The following ITSN1 variants were observed in gnomAD, a reference collection of about 807,000 sequenced individuals.
ITSN1 encodes intersectin 1.
In ITSN1, 58 loss-of-function variants were observed where a neutral mutation model predicts 239.8. The observed-to-expected ratio is 0.24, with a 90% CI of 0.20 to 0.30. ITSN1 has a LOEUF of 0.30. ITSN1 is among the 10% of genes least tolerant of loss of function. The probability of loss-of-function intolerance (pLI) is 1.00; values close to 1 mark genes in which losing one functional copy is unlikely to be tolerated. For synonymous variants in ITSN1, 780 were observed against 770.8 expected, an observed-to-expected ratio of 1.01 and a Z score of -0.20; for missense variants, 1,558 against 2,103.3, an observed-to-expected ratio of 0.74 and a Z score of 5.07.
intron 29 of ITSN1, chr21:33,837,753 C>T: frequency 1.0e-6 from 1 of 985,854 alleles, no homozygotes; most frequent in Non-Finnish European, 1.2e-6. Context: ...GCACAGTGAC[C>T]TTGTAGCCAC....
chr21:33,697,866 G>T (rs569111365), intron 1 of ITSN1, among the ~76,000 whole-genome samples: 1 of 152,078 alleles, frequency 6.6e-6, no homozygotes, highest in Non-Finnish European at 1.5e-5. Flanking sequence ...CATCTGTAGG[G>T]CTCTACAATC....
intron 25 of ITSN1, among the ~76,000 whole-genome samples, chr21:33,824,136 C>G (rs2073846545): frequency 6.6e-6 from 1 of 152,098 alleles, no homozygotes; most frequent in African/African-American, 2.4e-5. Flanking sequence ...GACACAAGAT[C>G]TAAGGGATGG....
chr21:33,751,316 G>A (rs893895796), intron 6 of ITSN1, among the ~76,000 whole-genome samples: 7 of 152,168 alleles, frequency 4.6e-5, no homozygotes, highest in East Asian at 3.8e-4. Flanking sequence ...TGGCTAAGAC[G>A]CAGTGTTTTT....
At chr21:33,717,694 T>C (rs1283004762) in intron 1 of ITSN1, among the ~76,000 whole-genome samples, 1 of 151,890 alleles carries the variant, frequency 6.6e-6, no homozygotes, top group African/African-American at 2.4e-5. Context: ...TAGCTGGGAC[T>C]ACAGGCGCCC....
At chr21:33,691,801 T>C (rs1022866408) in intron 1 of ITSN1, among the ~76,000 whole-genome samples, 1 of 152,236 alleles carries the variant, frequency 6.6e-6, no homozygotes, top group South Asian at 2.1e-4. Context: ...CTCTGATGTC[T>C]GTTCTTATAA....
chr21:33,667,543 G>T (rs911498736), intron 1 of ITSN1, among the ~76,000 whole-genome samples: 1 of 152,050 alleles, frequency 6.6e-6, no homozygotes, highest in Non-Finnish European at 1.5e-5. Context: ...TACTTTTTGG[G>T]ATGCGGTAGG....
At chr21:33,842,892 C>T (rs536050009) in intron 29 of ITSN1, among the ~76,000 whole-genome samples, 18 of 152,144 alleles carry the variant, frequency 1.2e-4, no homozygotes, top group South Asian at 8.3e-4. Context: ...GGATGAAACC[C>T]CTGACGCCCC....
Position 33,877,822 on chromosome 21 carries a change from ATT to A in ITSN1, c.4341+2304_4341+2305del, listed in dbSNP as rs1321726722. 1.8e-3 allele frequency among the ~76,000 whole-genome samples: 241 copies of A among 132,490 alleles called. 2 individuals carry two copies. Among genetic ancestry groups the A allele is most frequent in the Admixed American group, 0.017 (233 of 13,450 alleles). 86.9% of individuals were successfully genotyped at this position (132,490 alleles called of 152,430 possible). The stretch of plus-strand genomic sequence containing the variant: ...TCTGCAAATTTCTTACTTTGTTTCT[ATT>A]TTGTGTGTGTGTGTGTGTGTGTGTG... On this transcript the variant is annotated intron_variant, in intron 34 of 39. Transcript: ENST00000381318.
chr21:33,727,316 A>ATC (rs2065886091), intron 4 of ITSN1, among the ~76,000 whole-genome samples: 1 of 152,084 alleles, frequency 6.6e-6, no homozygotes, highest in South Asian at 2.1e-4. Flanking sequence ...TACAGGAAGG[A>ATC]AGAAGAGACG....
rs182263787 is a variant in ITSN1, at chr21:33,714,683, T to C, written c.-32-4114T>C. ...TATTTTAATGCCTTCAGTATCATAG[T>C]TGAGTATTAAGCTAATGCTAACTTC... On this transcript the variant is annotated intron_variant, in intron 1 of 39. Transcript: ENST00000381318. Among the ~76,000 whole-genome samples the C allele has an allele frequency of 3.0e-4, 46 of 152,286 alleles. No homozygotes were observed. The East Asian group carries it at 3.5e-3, about 11-fold the overall frequency.
At chr21:33,781,897 A>G (rs2070218747) in intron 15 of ITSN1, 97 bp from the exon 16 acceptor site, 2 of 1,226,564 alleles carry the variant, frequency 1.6e-6, no homozygotes, top group African/African-American at 3.1e-5. Context: ...TTTTTTAACC[A>G]GCAAGAATTT....
chr21:33,760,215 A>G (rs1327706710), intron 8 of ITSN1, among the ~76,000 whole-genome samples: 4 of 152,334 alleles, frequency 2.6e-5, no homozygotes, highest in African/African-American at 9.6e-5. Flanking sequence ...CTACAACTCT[A>G]CACGACAATA....
intron 1 of ITSN1, among the ~76,000 whole-genome samples, chr21:33,660,379 T>C (rs950373855): frequency 4.6e-5 from 7 of 152,230 alleles, no homozygotes; most frequent in Non-Finnish European, 8.8e-5. Flanking sequence ...TTTTGTCTTA[T>C]CATTGTCTGC....
chr21:33,839,186 TC>T (rs1362030226), intron 29 of ITSN1, among the ~76,000 whole-genome samples: 1 of 152,174 alleles, frequency 6.6e-6, no homozygotes, highest in Non-Finnish European at 1.5e-5. Context: ...GTCCCTGTCT[TC>T]ATGGAGTTCA....
chr21:33,822,526 C>T (rs1030922337), intron 24 of ITSN1, among the ~76,000 whole-genome samples: 2 of 152,070 alleles, frequency 1.3e-5, no homozygotes, highest in African/African-American at 4.8e-5. Context: ...TATCCTGTAC[C>T]TAGAACCTCC....
chr21:33,760,223 A>G (rs553137233), intron 8 of ITSN1, among the ~76,000 whole-genome samples: 15 of 152,214 alleles, frequency 9.9e-5, no homozygotes, highest in Non-Finnish European at 1.6e-4. Flanking sequence ...CTACACGACA[A>G]TATATTGAGC....
intron 29 of ITSN1, among the ~76,000 whole-genome samples, chr21:33,839,914 A>T (rs969779662): frequency 6.6e-5 from 10 of 152,162 alleles, no homozygotes; most frequent in Non-Finnish European, 4.4e-5. Flanking sequence ...TGCAGTGCAC[A>T]GGACAGTCCC....
At position 33,776,095 on chromosome 21, in the gene ITSN1, C is replaced by G. The variant is rs972490485; in HGVS notation, c.1596+987C>G. On this transcript the variant is annotated intron_variant, in intron 14 of 39. Transcript: ENST00000381318. ...AGTAGTGTTTCCTTATGTGTCCATT[C>G]ACCTACTGGTTGATATTCAGGTTCT... Among the ~76,000 whole-genome samples the G allele has an allele frequency of 2.4e-4, 36 of 152,124 alleles. 1 individual carries two copies.
At chr21:33,798,578 CAGTGGAAGCA>C (rs1474282825) in intron 18 of ITSN1, among the ~76,000 whole-genome samples, 5 of 152,256 alleles carry the variant, frequency 3.3e-5, no homozygotes, top group Non-Finnish European at 7.4e-5. Context: ...AAATAATGTT[CAGTGGAAGCA>C]AGTCATTGCT....
Sources: gnomAD v4.1 joint callset for allele counts (sites outside exome capture counted in the v4.1 genomes callset) on GRCh38, gnomAD v4.1.1 for gene constraint, MANE v1.5 for transcripts, NCBI Gene and HGNC (gene_info 2026-07-23, HGNC 2026-07-21) for gene names.